TSPAN5: variants seen among roughly 807,000 people sequenced by gnomAD.
TSPAN5 encodes tetraspanin-5.
A neutral mutation model predicts 37.1 loss-of-function variants in TSPAN5; 10 were observed. The observed-to-expected ratio is 0.27, with a 90% CI of 0.17 to 0.46. The LOEUF (loss-of-function observed/expected upper bound fraction) is 0.46. Among genes scored for constraint, TSPAN5 ranks in the 20% least tolerant of loss-of-function variants. TSPAN5 has a pLI of 1.00. For synonymous variants in TSPAN5, 110 were observed against 118.9 expected (o/e 0.93, Z 0.48); for missense variants, 195 against 326.6 (o/e 0.60, Z 3.11).
chr4:98,548,929 T>C (rs564353592), intron 1 of TSPAN5, among the ~76,000 whole-genome samples: 17 of 149,336 alleles, frequency 1.1e-4, no homozygotes, highest in Admixed American at 4.7e-4. Flanking sequence ...GTAACCCACA[T>C]TTTCTGTATC....
chr4:98,621,794 C>A (rs535342095), intron 1 of TSPAN5, among the ~76,000 whole-genome samples: 9 of 151,250 alleles, frequency 6.0e-5, no homozygotes, highest in South Asian at 2.1e-4. Context: ...TCCCACCCCC[C>A]CCGCAGCCCC....
In TSPAN5 at chr4:98,611,749, GGCAGGGCTATCACCA is replaced by G. The variant is rs528746682; in HGVS notation, c.81+46382_81+46396del. Among the ~76,000 whole-genome samples, 799 of 152,360 alleles carry G rather than the reference GGCAGGGCTATCACCA, an allele frequency of 5.2e-3. 3 individuals carry two copies. The highest frequency in any genetic ancestry group is 0.034 in the Middle Eastern group (10 of 294). The stretch of plus-strand genomic sequence containing the variant: ...CCAGAAGTCACTGAGGTTTGTCCCA[GGCAGGGCTATCACCA>G]GCCCTTTTGGCACCTCTGAAGGAGT... On this transcript the variant is annotated intron_variant, in intron 1 of 7. Coordinates refer to ENST00000305798, the MANE Select transcript of TSPAN5 (RefSeq NM_005723.4).
intron 1 of TSPAN5, among the ~76,000 whole-genome samples, chr4:98,622,647 G>T (rs1165493052): frequency 6.6e-6 from 1 of 152,164 alleles, no homozygotes; most frequent in Admixed American, 6.5e-5. Context: ...TTGAACCGAT[G>T]GGTCTGACAT....
chr4:98,624,333 A>G (rs1756544474), intron 1 of TSPAN5, among the ~76,000 whole-genome samples: 1 of 152,128 alleles, frequency 6.6e-6, no homozygotes. Context: ...TGGAACTGTT[A>G]TGAGAGCTTT....
At chr4:98,553,122 C>CT (rs1345511952) in intron 1 of TSPAN5, among the ~76,000 whole-genome samples, 1 of 152,056 alleles carries the variant, frequency 6.6e-6, no homozygotes, top group Non-Finnish European at 1.5e-5. Flanking sequence ...AAATTAAGAG[C>CT]TTTTTTTGTG....
intron 1 of TSPAN5, among the ~76,000 whole-genome samples, chr4:98,632,808 AGAAG>A (rs1185051553): frequency 6.6e-6 from 1 of 152,168 alleles, no homozygotes; most frequent in African/African-American, 2.4e-5. Flanking sequence ...GGAGTGGAAG[AGAAG>A]GAAGAGGAGA....
At chr4:98,499,425 A>AG (rs1753290128) in intron 2 of TSPAN5, among the ~76,000 whole-genome samples, 1 of 152,228 alleles carries the variant, frequency 6.6e-6, no homozygotes, top group African/African-American at 2.4e-5. Context: ...TGTGCCTCAA[A>AG]GTGAGAGAAG....
intron 2 of TSPAN5, among the ~76,000 whole-genome samples, chr4:98,507,433 C>T (rs1408137909): frequency 1.3e-5 from 2 of 152,130 alleles, no homozygotes; most frequent in Non-Finnish European, 2.9e-5. Context: ...GATCAAATTC[C>T]AAGGTATATT....
At chr4:98,524,641 C>T (rs1011110245) in intron 1 of TSPAN5, among the ~76,000 whole-genome samples, 2 of 151,744 alleles carry the variant, frequency 1.3e-5, no homozygotes, top group Non-Finnish European at 2.9e-5. Context: ...ATCCTGCTTC[C>T]TTTGACACAC....
chr4:98,633,773 C>T (rs1485988129), intron 1 of TSPAN5, among the ~76,000 whole-genome samples: 2 of 152,122 alleles, frequency 1.3e-5, no homozygotes, highest in African/African-American at 2.4e-5. Context: ...CAAGAATTCT[C>T]ATGTACTTAA....
intron 1 of TSPAN5, among the ~76,000 whole-genome samples, chr4:98,560,592 G>T (rs942103474): frequency 6.6e-6 from 1 of 152,194 alleles, no homozygotes; most frequent in African/African-American, 2.4e-5. Context: ...ACTGAAATGT[G>T]AACAACAAAG....
chr4:98,636,780 C>CA (rs1407641788), intron 1 of TSPAN5, among the ~76,000 whole-genome samples: 6 of 151,990 alleles, frequency 3.9e-5, no homozygotes, highest in African/African-American at 9.7e-5. Flanking sequence ...TATTAATTCA[C>CA]AAAAAAGAGT....
At chr4:98,616,535 G>A (rs755394487) in intron 1 of TSPAN5, among the ~76,000 whole-genome samples, 3 of 152,104 alleles carry the variant, frequency 2.0e-5, no homozygotes, top group African/African-American at 4.8e-5. Context: ...CCCAAGAGGC[G>A]CTGGATGGCA....
At chr4:98,647,545 A>T (rs1757095637) in intron 1 of TSPAN5, among the ~76,000 whole-genome samples, 1 of 152,138 alleles carries the variant, frequency 6.6e-6, no homozygotes, top group Non-Finnish European at 1.5e-5. Flanking sequence ...ATTTAGAAAA[A>T]TTTTCCAACA....
chr4:98,600,487 G>A (rs907429702), intron 1 of TSPAN5, among the ~76,000 whole-genome samples: 1 of 152,104 alleles, frequency 6.6e-6, no homozygotes, highest in Non-Finnish European at 1.5e-5. Flanking sequence ...CTTTGCTGTC[G>A]TTTCAACAAT....
Position 98,478,622 on chromosome 4 carries a change from G to A in TSPAN5, c.576+63C>T, listed in dbSNP as rs1752760100. 20 of 1,603,162 alleles carry A rather than the reference G, an allele frequency of 1.2e-5. No homozygotes were observed. The South Asian group carries it at 1.4e-4, about 11-fold the overall frequency. On this transcript the variant is annotated intron_variant, in intron 5 of 7. Transcript: ENST00000305798. ...GTTCAACCAAAAAATCACTCTGCTC[G>A]TCCCATGCACACTCTCGGCATGATG...
chr4:98,630,968 T>A (rs966314157), intron 1 of TSPAN5, among the ~76,000 whole-genome samples: 4 of 152,156 alleles, frequency 2.6e-5, no homozygotes, highest in Non-Finnish European at 1.5e-5. Context: ...GAAACTGCCA[T>A]CTGGAAGGCT....
chr4:98,550,331 T>A (rs558369572), intron 1 of TSPAN5, among the ~76,000 whole-genome samples: 1 of 152,174 alleles, frequency 6.6e-6, no homozygotes, highest in South Asian at 2.1e-4. Context: ...CCTCTAGATT[T>A]TTTCTTTTTG....
intron 1 of TSPAN5, among the ~76,000 whole-genome samples, chr4:98,586,538 G>A (rs963336377): frequency 3.3e-5 from 5 of 152,200 alleles, no homozygotes; most frequent in African/African-American, 1.2e-4. Flanking sequence ...TAGGCAAGAT[G>A]ATAGATTAAA....
Sources: gnomAD v4.1 joint callset for allele counts (sites outside exome capture counted in the v4.1 genomes callset) on GRCh38, gnomAD v4.1.1 for gene constraint, MANE v1.5 for transcripts, NCBI Gene and HGNC (gene_info 2026-07-23, HGNC 2026-07-21) for gene names.